DRD3: variants seen among roughly 807,000 people sequenced by gnomAD.
The protein encoded by DRD3 is dopamine receptor D3, also known as D(3) dopamine receptor.
Under a neutral mutation model 36.3 loss-of-function variants are expected in DRD3, and 19 were observed. The ratio of observed to expected loss-of-function variants is 0.52; its 90% confidence interval spans 0.36 to 0.77. The LOEUF (loss-of-function observed/expected upper bound fraction) is 0.77. Among genes scored for constraint, DRD3 ranks in the 30% least tolerant of loss-of-function variants. The pLI, the probability that DRD3 is intolerant of heterozygous loss-of-function variation, is 0.00. For synonymous variants in DRD3, 195 were observed against 203.7 expected (o/e 0.96, Z 0.36); for missense variants, 465 against 505.3 (o/e 0.92, Z 0.77).
At chr3:114,159,382 AAAC>A (rs1016337062) in intron 3 of DRD3, among the ~76,000 whole-genome samples, 4 of 151,626 alleles carry the variant, frequency 2.6e-5, no homozygotes, top group Admixed American at 1.3e-4. Context: ...AAAACAAACA[AAAC>A]AACAACAGAA....
At chr3:114,137,170 T>C (rs1487248817) in intron 5 of DRD3, among the ~76,000 whole-genome samples, 1 of 152,214 alleles carries the variant, frequency 6.6e-6, no homozygotes, top group Non-Finnish European at 1.5e-5. Context: ...GAGAGTAGAA[T>C]CAAGATAAGC....
chr3:114,144,348 GT>G (rs2077552691), intron 4 of DRD3, among the ~76,000 whole-genome samples: 1 of 152,230 alleles, frequency 6.6e-6, no homozygotes, highest in African/African-American at 2.4e-5. Context: ...AATATCAGGT[GT>G]TATTGGCAGG....
intron 2 of DRD3, among the ~76,000 whole-genome samples, chr3:114,164,458 A>G (rs1247416504): frequency 6.6e-6 from 1 of 152,054 alleles, no homozygotes; most frequent in Non-Finnish European, 1.5e-5. Flanking sequence ...TTGATTTTCA[A>G]TAGACACAGC....
Position 114,131,146 on chromosome 3 carries a change from C to T in DRD3, c.978G>A (p.Lys326=), listed in dbSNP as rs2077425703. ...GCACAATGGCCACCATTTGGGTTGC[C>T]TTCTTCTCCCGAAGTGGCACTCCCC... ...QPRGVPLREK[K]ATQMVAIVLG... is the part of the protein sequence containing the mutation. The change falls in exon 6 of 7, where the codon AAG becomes AAA. Residue 326 remains lysine (K), a synonymous_variant. Transcript: ENST00000383673. The T allele has an allele frequency of 1.2e-6, 2 of 1,614,128 alleles. No individual in the cohort carries two copies. Among genetic ancestry groups the T allele is most frequent in the Non-Finnish European group, 1.7e-6 (2 of 1,179,942 alleles).
chr3:114,151,651 T>C (rs960052108), intron 3 of DRD3, among the ~76,000 whole-genome samples: 19 of 152,282 alleles, frequency 1.2e-4, no homozygotes, highest in African/African-American at 4.6e-4. Flanking sequence ...GGAGGCTCCA[T>C]TAATGAAGTG....
intron 1 of DRD3, among the ~76,000 whole-genome samples, chr3:114,173,205 T>C (rs1019517401): frequency 6.6e-6 from 1 of 152,130 alleles, no homozygotes; most frequent in African/African-American, 2.4e-5. Context: ...CACTGAATCT[T>C]CTGGTGCCTT....
chr3:114,169,703 T>C (rs376189684), intron 2 of DRD3, among the ~76,000 whole-genome samples: 35 of 152,304 alleles, frequency 2.3e-4, no homozygotes, highest in African/African-American at 8.4e-4. Context: ...TAGTCTCACC[T>C]GCCCTTCTAT....
upstream of DRD3, among the ~76,000 whole-genome samples, chr3:114,182,046 A>T (rs1357518791): frequency 6.6e-6 from 1 of 152,220 alleles, no homozygotes; most frequent in African/African-American, 2.4e-5. Flanking sequence ...TTTGATTATC[A>T]TGATGATCTT....
At position 114,139,520 on chromosome 3, in the gene DRD3, T is replaced by C; in HGVS notation, c.703A>G (p.Arg235Gly). 6.2e-7 allele frequency: 1 copy of C among 1,613,780 alleles called. No homozygotes were observed. Among genetic ancestry groups the C allele is most frequent in the Non-Finnish European group, 8.5e-7 (1 of 1,179,874 alleles). The change falls in exon 5 of 7, where the codon AGG becomes GGG. Residue 235 changes from arginine (R) to glycine (G), a missense_variant. Physicochemically the swap from Arg to Gly is moderately radical, Grantham distance 125. Transcript: ENST00000383673. The part of the protein sequence containing the change: ...TRQNSQCNSV[R>G]PGFPQQTLSP... ...CTTACTTGCTGGGGGAAGCCAGGCC[T>C]GACACTGTTGCACTGACTGTTCTGT...
Position 114,165,265 on chromosome 3 carries a change from T to C in DRD3, c.271-5398A>G, listed in dbSNP as rs186205582. Among the ~76,000 whole-genome samples the C allele has an allele frequency of 9.9e-5, 15 of 152,222 alleles. No homozygotes were observed. The East Asian group carries it at 2.9e-3, about 29-fold the overall frequency. ...ATGTCCGCAACAATCATAATGTGGT[T>C]TGAAAATATAAATATCATCAGTGTG... On this transcript the variant is annotated intron_variant, in intron 2 of 6. Coordinates refer to ENST00000383673, the MANE Select transcript of DRD3 (RefSeq NM_000796.6).
intron 3 of DRD3, among the ~76,000 whole-genome samples, chr3:114,154,076 A>T (rs550280467): frequency 4.6e-5 from 7 of 152,172 alleles, no homozygotes; most frequent in Non-Finnish European, 1.0e-4. Flanking sequence ...GCTGGTGGAA[A>T]GTCAGGAGAT....
In DRD3 at chr3:114,128,844, G is replaced by C; in HGVS notation, c.1075C>G (p.His359Asp). The C allele has an allele frequency of 6.2e-7, 1 of 1,613,878 alleles. No homozygotes were observed. Among genetic ancestry groups the C allele is most frequent in the Non-Finnish European group, 8.5e-7 (1 of 1,179,898 alleles). ...HVLNTHCQTC[H>D]VSPELYSATT... ...GCACTGTAAAGCTCTGGGGACACGT[G>C]GCATGTCTGGCAGTGGGTATTGAGA... Residue 359 changes from histidine (H) to aspartate (D), a missense_variant, in exon 7 of 7, where the codon CAC becomes GAC. Physicochemically the swap from His to Asp is moderately conservative, Grantham distance 81. Transcript: ENST00000383673.
intron 2 of DRD3, among the ~76,000 whole-genome samples, chr3:114,162,704 G>C (rs1328953656): frequency 1.3e-5 from 2 of 152,172 alleles, no homozygotes; most frequent in Non-Finnish European, 2.9e-5. Context: ...CACAGGGCTA[G>C]TACAGGGAGA....
chr3:114,190,152 G>A (rs1282889352), intron 1 of DRD3, among the ~76,000 whole-genome samples: 1 of 151,744 alleles, frequency 6.6e-6, no homozygotes, highest in African/African-American at 2.4e-5. Flanking sequence ...AACTCTAGGG[G>A]AGCAACTAAT....
At chr3:114,196,748 T>TC (rs1241079664) in intron 1 of DRD3, among the ~76,000 whole-genome samples, 2 of 152,236 alleles carry the variant, frequency 1.3e-5, no homozygotes, top group African/African-American at 2.4e-5. Flanking sequence ...GCATCTTTTC[T>TC]TGTGCTTGTT....
intron 1 of DRD3, among the ~76,000 whole-genome samples, chr3:114,196,691 G>A (rs1044978650): frequency 6.6e-6 from 1 of 152,192 alleles, no homozygotes; most frequent in Non-Finnish European, 1.5e-5. Flanking sequence ...TATGACCTGA[G>A]GTCTAGTGGT....
chr3:114,173,599 G>A (rs1303978784), intron 1 of DRD3, among the ~76,000 whole-genome samples: 1 of 152,206 alleles, frequency 6.6e-6, no homozygotes, highest in African/African-American at 2.4e-5. Flanking sequence ...GAGGTTGGGA[G>A]AGAAGAGGCC....
chr3:114,161,016 A>C (rs1290363842), intron 2 of DRD3, among the ~76,000 whole-genome samples: 2 of 152,212 alleles, frequency 1.3e-5, no homozygotes, highest in African/African-American at 4.8e-5. Flanking sequence ...CCCTAATTGA[A>C]TCAGGAAGAT....
At chr3:114,170,650 C>T (rs1376098555) in intron 2 of DRD3, among the ~76,000 whole-genome samples, 1 of 470 alleles carries the variant, frequency 2.1e-3, no homozygotes, top group African/African-American at 8.1e-3. Context: ...AATTTTAGTT[C>T]CCAGCCATCT....
Sources: allele counts gnomAD v4.1 joint callset (sites outside exome capture counted in the v4.1 genomes callset), GRCh38; gene constraint gnomAD v4.1.1; transcripts MANE v1.5; gene names NCBI Gene and HGNC (gene_info 2026-07-23, HGNC 2026-07-21).